The following UBTD1 variants were observed in gnomAD, a reference collection of about 807,000 sequenced individuals.
UBTD1 encodes the protein ubiquitin domain-containing protein 1.
A neutral mutation model predicts 21.7 loss-of-function variants in UBTD1; 19 were observed. That is an observed-to-expected ratio of 0.87 (90% confidence interval 0.61 to 1.28). The LOEUF is 1.28. UBTD1 is among the 50% of genes most tolerant of loss of function. The pLI, the probability that UBTD1 is intolerant of heterozygous loss-of-function variation, is 0.00. For synonymous variants in UBTD1, 116 were observed against 135.1 expected (o/e 0.86, Z 0.98); for missense variants, 282 against 315.1 (o/e 0.89, Z 0.80).
intron 1 of UBTD1, among the ~76,000 whole-genome samples, chr10:97,511,652 TG>T (rs976219200): frequency 6.6e-6 from 1 of 151,262 alleles, no homozygotes; most frequent in Admixed American, 6.6e-5. Flanking sequence ...ATACTACACA[TG>T]GCATTGATTT....
rs753045619 is a variant in UBTD1 at position 97,570,499 on chromosome 10, C to A, written c.660C>A (p.Asn220Lys). ...ATTTTGTCATCCAGGTCATCATCAA[C>A]CAGCCCCCACCACCCCAGGACTGAT... ...QKDFVIQVII[N>K]QPPPPQD The change falls in exon 3 of 3, where the codon AAC becomes AAA. Residue 220 changes from asparagine to lysine, a missense_variant. Transcript: ENST00000370664. The surrounding 1 kb of genome is among the most constrained non-coding windows in gnomAD (Gnocchi z 6.6). 6.2e-7 allele frequency: 1 copy of A among 1,608,438 alleles called. No individual in the cohort carries two copies. The highest frequency in any genetic ancestry group is 1.3e-5 in the African/African-American group (1 of 74,848).
intron 1 of UBTD1, among the ~76,000 whole-genome samples, chr10:97,559,733 T>A (rs1192518046): frequency 1.3e-5 from 2 of 152,216 alleles, no homozygotes; most frequent in African/African-American, 4.8e-5. Flanking sequence ...AGGTTGATGC[T>A]TAAAGAAAAA....
chr10:97,541,428 T>C (rs2040586714), intron 1 of UBTD1, among the ~76,000 whole-genome samples: 1 of 152,016 alleles, frequency 6.6e-6, no homozygotes, highest in African/African-American at 2.4e-5. Flanking sequence ...CAGTGGGCTA[T>C]GATCACACCA....
At chr10:97,543,732 G>A (rs1180670156) in intron 1 of UBTD1, among the ~76,000 whole-genome samples, 1 of 152,206 alleles carries the variant, frequency 6.6e-6, no homozygotes, top group East Asian at 1.9e-4. Flanking sequence ...TGTTGCTGGG[G>A]TGTGGACTAA....
intron 1 of UBTD1, among the ~76,000 whole-genome samples, chr10:97,534,154 C>T (rs2040547715): frequency 1.3e-5 from 2 of 152,188 alleles, no homozygotes. Flanking sequence ...TCTGCCTTTC[C>T]ACAGGGCTCC....
intron 1 of UBTD1, among the ~76,000 whole-genome samples, chr10:97,536,252 A>T (rs1172175032): frequency 6.6e-6 from 1 of 152,102 alleles, no homozygotes. Context: ...TCCGCCTCCC[A>T]AAGTGCTGGG....
chr10:97,522,525 C>T (rs1053929210), intron 1 of UBTD1, among the ~76,000 whole-genome samples: 2 of 152,152 alleles, frequency 1.3e-5, no homozygotes, highest in Non-Finnish European at 2.9e-5. Context: ...TGGTGAAGAT[C>T]GGAGACAGGG....
At chr10:97,499,373 C>A in intron 1 of UBTD1, 100 bp downstream of exon 1, 2 of 1,368,518 alleles carry the variant, frequency 1.5e-6, no homozygotes, top group Non-Finnish European at 1.9e-6. Flanking sequence ...CTGGTGCTGG[C>A]GCTTGGGTTT....
intron 1 of UBTD1, among the ~76,000 whole-genome samples, chr10:97,522,128 C>T (rs1307839412): frequency 6.6e-6 from 1 of 152,224 alleles, no homozygotes; most frequent in African/African-American, 2.4e-5. Flanking sequence ...GACAAGATCA[C>T]CTCTTCAACT....
rs1589860984 is a variant in UBTD1 at position 97,499,092 on chromosome 10, G to T, written c.-112G>T. The T allele has an allele frequency of 1.6e-6, 2 of 1,255,336 alleles. No individual in the cohort carries two copies. Among genetic ancestry groups the T allele is most frequent in the East Asian group, 5.5e-5 (2 of 36,120 alleles). 77.8% of individuals were successfully genotyped at this position (1,255,336 alleles called of 1,614,324 possible). On this transcript the variant is annotated 5_prime_UTR_variant, in exon 1 of 3. Transcript: ENST00000370664. ...CTGAGCGCGCCCCCGGGGGGAGATC[G>T]GGGAGCGCCCGATGCCGGGCGGCCG...
chr10:97,510,685 T>A (rs1462502230), intron 1 of UBTD1, among the ~76,000 whole-genome samples: 1 of 152,190 alleles, frequency 6.6e-6, no homozygotes, highest in Admixed American at 6.5e-5. Flanking sequence ...CCAGTGAAGT[T>A]CATGTGCAAA....
intron 1 of UBTD1, among the ~76,000 whole-genome samples, chr10:97,541,136 A>G (rs74433050): frequency 0.017 from 2,577 of 152,272 alleles, 29 homozygotes; most frequent in Middle Eastern, 0.037. Flanking sequence ...GAGTAGTCAT[A>G]TTTGTCACAC....
intron 1 of UBTD1, among the ~76,000 whole-genome samples, chr10:97,532,790 CAAAA>C (rs765080292): frequency 1.8e-5 from 2 of 108,236 alleles, no homozygotes; most frequent in East Asian, 4.8e-4. Flanking sequence ...AACTGCATCT[CAAAA>C]AAAAAAAGAA....
At chr10:97,557,545 T>C (rs980104849) in intron 1 of UBTD1, among the ~76,000 whole-genome samples, 32 of 152,290 alleles carry the variant, frequency 2.1e-4, no homozygotes, top group Middle Eastern at 3.4e-3. Flanking sequence ...TCTTGACAGA[T>C]ATACTTATTT....
Position 97,567,975 on chromosome 10 carries a change from CG to C in UBTD1, c.135del (p.Gln46SerfsTer79). On this transcript the variant is annotated frameshift_variant, in exon 2 of 3. Transcript: ENST00000370664. LOFTEE classifies it high-confidence loss of function. ...KWKSDYPMTD[G>X]QLRSKRDEFW... ...GGAAGAGCGACTACCCCATGACTGA[CG>C]GGCAGCTGCGGAGCAAACGGGATGA... 1.2e-6 allele frequency: 2 copies of C among 1,614,128 alleles called. No homozygotes were observed. Among genetic ancestry groups the C allele is most frequent in the Non-Finnish European group, 1.7e-6 (2 of 1,180,034 alleles).
chr10:97,526,375 G>A (rs1167455825), intron 1 of UBTD1, among the ~76,000 whole-genome samples: 1 of 152,190 alleles, frequency 6.6e-6, no homozygotes, highest in Admixed American at 6.5e-5. Context: ...CTAAGACTTT[G>A]ATTCTAGCGT....
intron 1 of UBTD1, among the ~76,000 whole-genome samples, chr10:97,535,638 A>C (rs1055712017): frequency 1.3e-5 from 2 of 152,060 alleles, no homozygotes; most frequent in Admixed American, 6.6e-5. Flanking sequence ...AAAAAGAAAA[A>C]AAAATTACTT....
intron 1 of UBTD1, among the ~76,000 whole-genome samples, chr10:97,551,631 A>G (rs2040637899): frequency 6.6e-6 from 1 of 152,186 alleles, no homozygotes; most frequent in African/African-American, 2.4e-5. Context: ...GGCCCTGGAC[A>G]AAGCCTCCAG....
At chr10:97,530,442 A>C (rs1159286936) in intron 1 of UBTD1, among the ~76,000 whole-genome samples, 1 of 152,242 alleles carries the variant, frequency 6.6e-6, no homozygotes, top group Non-Finnish European at 1.5e-5. Flanking sequence ...CATCTCAAAA[A>C]AATTTTTACA....
Sources: allele counts gnomAD v4.1 joint callset (sites outside exome capture counted in the v4.1 genomes callset), GRCh38; gene constraint gnomAD v4.1.1; non-coding constraint Gnocchi (gnomAD v3.1); transcripts MANE v1.5; gene names NCBI Gene and HGNC (gene_info 2026-07-23, HGNC 2026-07-21).